The following VMP1 variants were observed in gnomAD, a reference collection of about 807,000 sequenced individuals.
VMP1 encodes the protein vacuole membrane protein 1, also known as ectopic P-granules autophagy protein 3 homolog.
Under a neutral mutation model 56.0 loss-of-function variants are expected in VMP1, and 11 were observed. The observed-to-expected ratio is 0.20, with a 90% CI of 0.12 to 0.32. The LOEUF (loss-of-function observed/expected upper bound fraction) is 0.32. Among genes scored for constraint, VMP1 ranks in the 10% least tolerant of loss-of-function variants. The pLI is 1.00. For missense variants in VMP1, 296 were observed against 490.3 expected, an observed-to-expected ratio of 0.60 and a Z score of 3.74; for synonymous variants, 149 against 165.0, an observed-to-expected ratio of 0.90 and a Z score of 0.74.
chr17:59,802,169 C>T (rs1057226434), intron 7 of VMP1, among the ~76,000 whole-genome samples: 1 of 151,948 alleles, frequency 6.6e-6, no homozygotes, highest in Non-Finnish European at 1.5e-5. Context: ...CACTGCACTC[C>T]AGCCTGGGCG....
chr17:59,839,840 A>G lies in VMP1; in HGVS notation c.1150A>G (p.Ile384Val). Residue 384 changes from isoleucine to valine, a missense_variant, in exon 12 of 12, where the codon ATT (isoleucine) becomes GTT (valine). Physicochemically the swap from Ile to Val is conservative, Grantham distance 29. Coordinates refer to ENST00000262291, the MANE Select transcript of VMP1 (RefSeq NM_030938.5). ...GGTGTGTTACTTCATCCTATCTATC[A>G]TTAACTCCATGGCACAAAGTTATGC... is the stretch of plus-strand genomic sequence containing the variant. The part of the protein sequence containing the change: ...VMVCYFILSI[I>V]NSMAQSYAKR... 1 of 1,613,754 alleles carries G rather than the reference A, an allele frequency of 6.2e-7. No individual in the cohort carries two copies. The highest frequency in any genetic ancestry group is 8.5e-7 in the Non-Finnish European group (1 of 1,179,956).
At chr17:59,718,529 G>A (rs564615817) in intron 1 of VMP1, among the ~76,000 whole-genome samples, 1 of 146,460 alleles carries the variant, frequency 6.8e-6, no homozygotes, top group Non-Finnish European at 1.5e-5. Flanking sequence ...CTCTTAACAC[G>A]GTCTTACTCT....
intron 4 of VMP1, among the ~76,000 whole-genome samples, chr17:59,738,154 A>G (rs1166180000): frequency 6.6e-6 from 1 of 152,166 alleles, no homozygotes; most frequent in Non-Finnish European, 1.5e-5. Context: ...TATTTTCTCT[A>G]ACATACTTTT....
intron 1 of VMP1, among the ~76,000 whole-genome samples, chr17:59,723,516 G>A (rs919185537): frequency 2.0e-5 from 3 of 152,136 alleles, no homozygotes; most frequent in East Asian, 1.9e-4. Context: ...GGAGGTAATC[G>A]ATAATCTTCA....
chr17:59,822,652 A>G (rs892848877), intron 10 of VMP1, among the ~76,000 whole-genome samples: 1 of 152,148 alleles, frequency 6.6e-6, no homozygotes, highest in African/African-American at 2.4e-5. Flanking sequence ...CAAGTGTTCA[A>G]TTGAAAATTA....
At chr17:59,809,057 TG>T (rs1341879568) in intron 8 of VMP1, among the ~76,000 whole-genome samples, 181 bp downstream of exon 8, 2 of 151,756 alleles carry the variant, frequency 1.3e-5, no homozygotes, top group Non-Finnish European at 2.9e-5. Flanking sequence ...TGGAGTGCAG[TG>T]GCATGATCTC....
intron 6 of VMP1, among the ~76,000 whole-genome samples, chr17:59,772,591 A>G (rs1246387394): frequency 1.3e-5 from 2 of 151,680 alleles, no homozygotes; most frequent in African/African-American, 2.4e-5. Flanking sequence ...CAACATAGTG[A>G]AACTCTGACT....
At chr17:59,789,616 C>G (rs1455213566) in intron 7 of VMP1, among the ~76,000 whole-genome samples, 1 of 151,882 alleles carries the variant, frequency 6.6e-6, no homozygotes, top group Non-Finnish European at 1.5e-5. Context: ...CAGTAACATG[C>G]TAAATACAAA....
In VMP1 at chr17:59,755,095, CTTCTTTTTCTTT is replaced by C. The variant is rs560421560; in HGVS notation, c.415-9861_415-9850del. On this transcript the variant is annotated intron_variant, in intron 5 of 11. Transcript: ENST00000262291. Reference sequence around the variant, plus strand: ...TCTAGAGAACAAAGGTGAAACATGCCTTCTTTTTCTTTTTCTTTTTCTTTTTTTTTTAGACGG... The same window carrying C: ...TCTAGAGAACAAAGGTGAAACATGCCTTCTTTTTCTTTTTTTTTTAGACGG... Among the ~76,000 whole-genome samples, 701 of 149,508 alleles carry C rather than the reference CTTCTTTTTCTTT, an allele frequency of 4.7e-3. 5 individuals are homozygous for C. Among genetic ancestry groups the C allele is most frequent in the Non-Finnish European group, 7.5e-3 (505 of 67,554 alleles).
intron 5 of VMP1, among the ~76,000 whole-genome samples, chr17:59,756,523 T>G (rs992761398): frequency 6.6e-6 from 1 of 152,236 alleles, no homozygotes; most frequent in Non-Finnish European, 1.5e-5. Flanking sequence ...TCACTTGACT[T>G]CTGTGTATAG....
At chr17:59,715,819 A>G (rs1434741243) in intron 1 of VMP1, among the ~76,000 whole-genome samples, 4 of 152,194 alleles carry the variant, frequency 2.6e-5, no homozygotes, top group Admixed American at 2.6e-4. Context: ...TCCAATTTTT[A>G]TTCCAAGTAT....
At chr17:59,801,628 C>G (rs2037668677) in intron 7 of VMP1, among the ~76,000 whole-genome samples, 1 of 152,136 alleles carries the variant, frequency 6.6e-6, no homozygotes, top group South Asian at 2.1e-4. Flanking sequence ...GATGAGGTGG[C>G]TCATGCCTAT....
rs770089895 is a variant in VMP1 at position 59,773,860 on chromosome 17, T to C, written c.689T>C (p.Met230Thr). 1.9e-6 allele frequency: 3 copies of C among 1,612,744 alleles called. No individual in the cohort carries two copies. In the African/African-American group the frequency reaches 4.0e-5, roughly 22 times the overall value. ...DDEEYQEFEE[M>T]LEHAESAQDF... ...GAAGAGTATCAGGAATTTGAAGAGATGCTGGAACATGCAGAGTCTGCACAA... is the reference window on the plus strand; with the variant it reads ...GAAGAGTATCAGGAATTTGAAGAGACGCTGGAACATGCAGAGTCTGCACAA... The change falls in exon 7 of 12, where the codon ATG (methionine) becomes ACG (threonine). Residue 230 changes from methionine to threonine, a missense_variant. This residue lies in a region of VMP1 where 126 missense variants were observed against 231.6 expected (regional missense o/e 0.54). Transcript: ENST00000262291.
intron 1 of VMP1, among the ~76,000 whole-genome samples, chr17:59,721,582 G>A (rs1346385252): frequency 6.6e-6 from 1 of 151,644 alleles, no homozygotes; most frequent in African/African-American, 2.4e-5. Flanking sequence ...AGGTTTTTCT[G>A]GATAAAAGGT....
chr17:59,836,569 C>T (rs2038987315), intron 10 of VMP1, among the ~76,000 whole-genome samples: 1 of 152,174 alleles, frequency 6.6e-6, no homozygotes, highest in Non-Finnish European at 1.5e-5. Flanking sequence ...CGGTATATAT[C>T]TTCTGTACCA....
At chr17:59,778,301 G>A (rs2036696336) in intron 7 of VMP1, among the ~76,000 whole-genome samples, 1 of 152,048 alleles carries the variant, frequency 6.6e-6, no homozygotes, top group South Asian at 2.1e-4. Flanking sequence ...AGCACTTTGG[G>A]AGGCAGAGGC....
At chr17:59,760,745 C>T (rs1383203465) in intron 5 of VMP1, among the ~76,000 whole-genome samples, 7 of 152,102 alleles carry the variant, frequency 4.6e-5, no homozygotes, top group South Asian at 2.1e-4. Flanking sequence ...CTCAGCCTCC[C>T]GAGTAGCTGG....
chr17:59,828,755 C>T (rs907593495), intron 10 of VMP1, among the ~76,000 whole-genome samples: 2 of 152,184 alleles, frequency 1.3e-5, no homozygotes, highest in African/African-American at 4.8e-5. Context: ...GGGGCTACCA[C>T]ATTTCAGATC....
intron 5 of VMP1, among the ~76,000 whole-genome samples, chr17:59,745,785 TG>T (rs539582838): frequency 7.8e-4 from 119 of 152,332 alleles, no homozygotes; most frequent in African/African-American, 2.7e-3. Flanking sequence ...ATGATCATAT[TG>T]GGAGAGTAGT....
Sources: gnomAD v4.1 joint callset for allele counts (sites outside exome capture counted in the v4.1 genomes callset) on GRCh38, gnomAD v4.1.1 for gene constraint, gnomAD v4.1.1 regional missense constraint, MANE v1.5 for transcripts, NCBI Gene and HGNC (gene_info 2026-07-23, HGNC 2026-07-21) for gene names.